Variants in SLF1 observed in about 807,000 individuals in gnomAD.
SLF1 encodes the protein SMC5/6 complex localization factor 1.
SLF1 carries 105 observed loss-of-function variants against 123.0 expected under a neutral mutation model. The ratio of observed to expected loss-of-function variants is 0.85; its 90% CI spans 0.73 to 1.00. The LOEUF is 1.00. Among genes scored for constraint, SLF1 ranks in the 50% least tolerant of loss-of-function variants. The pLI, the probability that SLF1 is intolerant of heterozygous loss-of-function variation, is 0.00. For synonymous variants in SLF1, 434 were observed against 406.6 expected, an observed-to-expected ratio of 1.07 and a Z score of -0.81; for missense variants, 1,239 against 1,223.0, an observed-to-expected ratio of 1.01 and a Z score of -0.20.
chr5:94,682,799 G>A (rs1247285011), intron 15 of SLF1, among the ~76,000 whole-genome samples: 1 of 152,146 alleles, frequency 6.6e-6, no homozygotes, highest in African/African-American at 2.4e-5. Flanking sequence ...TTTTATGCCT[G>A]ATTGAAATTC....
intron 1 of SLF1, among the ~76,000 whole-genome samples, chr5:94,625,202 A>AG (rs11416356): frequency 6.6e-6 from 1 of 150,384 alleles, no homozygotes; most frequent in African/African-American, 2.4e-5. Flanking sequence ...CAAAAAAAAA[A>AG]AAAAAAATAT....
intron 14 of SLF1, 92 bp downstream of exon 14, chr5:94,671,100 CGA>C: frequency 1.1e-6 from 1 of 943,580 alleles, no homozygotes. Context: ...TTGGATCACT[CGA>C]AAACAATTAA....
Position 94,670,962 on chromosome 5 carries a change from T to C in SLF1, c.1781T>C (p.Leu594Ser). The C allele has an allele frequency of 6.5e-7, 1 of 1,549,572 alleles. No individual in the cohort carries two copies. Among genetic ancestry groups the C allele is most frequent in the Non-Finnish European group, 8.7e-7 (1 of 1,145,404 alleles). ...GLLTKPVNML[L>S]EWTIYSHKEK... ...TTGACCAAACCAGTAAATATGCTTT[T>C]GGAATGGACTATATATTCTCACAAG... Residue 594 changes from leucine to serine, a missense_variant, in exon 14 of 21, where the codon TTG becomes TCG. By Grantham distance (145) the Leu-to-Ser change is moderately radical (BLOSUM62 -2). Coordinates refer to ENST00000265140, the MANE Select transcript of SLF1 (RefSeq NM_032290.4).
At chr5:94,663,960 G>T in intron 11 of SLF1, 52 bp downstream of exon 11, 1 of 1,414,052 alleles carries the variant, frequency 7.1e-7, no homozygotes, top group Non-Finnish European at 9.3e-7. Context: ...ATGTTAAAAT[G>T]TGAACATTTT....
intron 1 of SLF1, among the ~76,000 whole-genome samples, chr5:94,626,429 CTT>C (rs1792253460): frequency 6.6e-6 from 1 of 151,996 alleles, no homozygotes; most frequent in African/African-American, 2.4e-5. Flanking sequence ...ATCCCTGTAA[CTT>C]TTTTTAAAAA....
intron 9 of SLF1, among the ~76,000 whole-genome samples, chr5:94,660,096 C>T (rs993665181): frequency 1.4e-4 from 21 of 152,162 alleles, no homozygotes; most frequent in Non-Finnish European, 1.5e-4. Context: ...CACAGGTTCT[C>T]AGACAATGTG....
chr5:94,640,840 C>G (rs1340638819), intron 4 of SLF1, among the ~76,000 whole-genome samples: 1 of 152,140 alleles, frequency 6.6e-6, no homozygotes, highest in African/African-American at 2.4e-5. Context: ...CTCATTTCTT[C>G]AAGTATGTTG....
At chr5:94,618,943 C>T (rs1281635367) in intron 1 of SLF1, among the ~76,000 whole-genome samples, 178 bp downstream of exon 1, 8 of 152,180 alleles carry the variant, frequency 5.3e-5, no homozygotes, top group South Asian at 4.1e-4. Context: ...CGTTCCAGCT[C>T]TCCCGACTTC....
chr5:94,620,685 T>C (rs561386457), intron 1 of SLF1, among the ~76,000 whole-genome samples: 2 of 152,290 alleles, frequency 1.3e-5, no homozygotes, highest in East Asian at 1.9e-4. Context: ...AGAATGTAAC[T>C]AAAATGAGAC....
At chr5:94,671,030 A>AC in intron 14 of SLF1, 22 bp downstream of exon 14, 1 of 1,453,066 alleles carries the variant, frequency 6.9e-7, no homozygotes, top group Non-Finnish European at 9.4e-7. Flanking sequence ...TAATTTATAG[A>AC]TGAATAGTCT....
intron 1 of SLF1, among the ~76,000 whole-genome samples, chr5:94,621,760 C>A (rs182076180): frequency 6.6e-6 from 1 of 152,074 alleles, no homozygotes; most frequent in East Asian, 1.9e-4. Context: ...CTGTTTCTTC[C>A]TTCTAGCGCT....
chr5:94,642,899 A>G (rs1195823312), intron 4 of SLF1, among the ~76,000 whole-genome samples: 1 of 151,910 alleles, frequency 6.6e-6, no homozygotes, highest in Admixed American at 6.6e-5. Flanking sequence ...TCCATATTTT[A>G]TGGTCCAGAA....
chr5:94,688,441 C>A (rs1752697823), intron 16 of SLF1, 65 bp from the exon 17 acceptor site: 2 of 1,496,226 alleles, frequency 1.3e-6, no homozygotes, highest in African/African-American at 1.4e-5. Context: ...TGAAATGAAT[C>A]AAATAATTTC....
At chr5:94,679,751 C>G (rs1344429860) in intron 15 of SLF1, among the ~76,000 whole-genome samples, 1 of 152,042 alleles carries the variant, frequency 6.6e-6, no homozygotes, top group Non-Finnish European at 1.5e-5. Flanking sequence ...TTTAAAGTCT[C>G]CCCTAAAATA....
At chr5:94,650,362 ATTTTT>A (rs10603196) in intron 6 of SLF1, among the ~76,000 whole-genome samples, 5 of 128,992 alleles carry the variant, frequency 3.9e-5, no homozygotes, top group Non-Finnish European at 8.2e-5. Flanking sequence ...AATTTGGAAC[ATTTTT>A]TTTTTTTTTT....
chr5:94,653,337 A>G lies in SLF1; in HGVS notation c.948A>G (p.Lys316=). Residue 316 remains lysine, a synonymous_variant, in exon 8 of 21, where the codon AAA becomes AAG. Transcript: ENST00000265140. ...ATACTTTGAGGAGAAAACGCAAGAA[A>G]GGAAAAGAAAGCAATTGCAAGAAAG... ...RSYTLRRKRK[K]GKESNCKKGV... 6.6e-7 allele frequency: 1 copy of G among 1,526,502 alleles called. No homozygotes were observed. Among genetic ancestry groups the G allele is most frequent in the Non-Finnish European group, 8.8e-7 (1 of 1,140,098 alleles). The allele number at this position is 1,526,502 out of a possible 1,614,324, so 94.6% of individuals were successfully genotyped here.
At chr5:94,694,610 G>A (rs572677030) in intron 20 of SLF1, among the ~76,000 whole-genome samples, 1 of 151,804 alleles carries the variant, frequency 6.6e-6, no homozygotes, top group South Asian at 2.1e-4. Context: ...TTTAACGGAG[G>A]CATGCACGTT....
At chr5:94,687,020 T>A (rs1487043245) in intron 16 of SLF1, among the ~76,000 whole-genome samples, 7 of 152,184 alleles carry the variant, frequency 4.6e-5, no homozygotes, top group Non-Finnish European at 1.0e-4. Context: ...TGCCTCGGCC[T>A]CCCAAAGTGC....
intron 1 of SLF1, among the ~76,000 whole-genome samples, chr5:94,622,528 A>G (rs1043763680): frequency 6.6e-6 from 1 of 152,144 alleles, no homozygotes; most frequent in African/African-American, 2.4e-5. Flanking sequence ...TATTTTTTAC[A>G]CTCAGATAAA....
Sources: allele counts gnomAD v4.1 joint callset (sites outside exome capture counted in the v4.1 genomes callset), GRCh38; gene constraint gnomAD v4.1.1; transcripts MANE v1.5; gene names NCBI Gene and HGNC (gene_info 2026-07-23, HGNC 2026-07-21).